The following CSMD1 variants were observed in gnomAD, a reference collection of about 807,000 sequenced individuals.
CSMD1 encodes CUB and sushi domain-containing protein 1.
Under a neutral mutation model 417.5 loss-of-function variants are expected in CSMD1, and 213 were observed. The observed-to-expected ratio is 0.51, with a 90% confidence interval of 0.46 to 0.57. The LOEUF (loss-of-function observed/expected upper bound fraction) is 0.57, where lower values mean the gene tolerates loss of function less well. Among genes scored for constraint, CSMD1 ranks in the 20% least tolerant of loss-of-function variants. The probability of loss-of-function intolerance (pLI) is 0.00; values close to 1 mark genes in which losing one functional copy is unlikely to be tolerated. For synonymous variants in CSMD1, 2,862 were observed against 1,736.8 expected (o/e 1.65, Z -16.11); for missense variants, 6,923 against 4,529.7 (o/e 1.53, Z -15.17).
At chr8:3,958,505 T>C (rs1467610894) in intron 5 of CSMD1, among the ~76,000 whole-genome samples, 1 of 152,140 alleles carries the variant, frequency 6.6e-6, no homozygotes, top group African/African-American at 2.4e-5. Context: ...TCACTAACAT[T>C]TTAGAAATGC....
intron 3 of CSMD1, among the ~76,000 whole-genome samples, chr8:4,314,677 G>A (rs1269687239): frequency 1.3e-5 from 2 of 152,088 alleles, no homozygotes; most frequent in African/African-American, 4.8e-5. Flanking sequence ...TAAGTGTTAG[G>A]TCAAAATGCC....
chr8:4,365,491 G>T (rs970360475), intron 3 of CSMD1, among the ~76,000 whole-genome samples: 2 of 152,108 alleles, frequency 1.3e-5, no homozygotes, highest in African/African-American at 2.4e-5. Flanking sequence ...CTGGCCTTAG[G>T]GCAGTGCTAC....
chr8:4,686,479 G>C (rs1312298543), intron 1 of CSMD1, among the ~76,000 whole-genome samples: 2 of 152,192 alleles, frequency 1.3e-5, no homozygotes, highest in South Asian at 2.1e-4. Flanking sequence ...CCCATACCTA[G>C]AGAAAAGAAA....
intron 7 of CSMD1, among the ~76,000 whole-genome samples, chr8:3,640,475 C>T (rs1291887732): frequency 6.6e-6 from 1 of 152,180 alleles, no homozygotes; most frequent in South Asian, 2.1e-4. Flanking sequence ...AATAGTTGCT[C>T]AGTTTTGTCT....
At chr8:3,208,202 A>G (rs1326178259) in intron 30 of CSMD1, among the ~76,000 whole-genome samples, 1 of 152,208 alleles carries the variant, frequency 6.6e-6, no homozygotes, top group Admixed American at 6.5e-5. Flanking sequence ...GACAAGAAGT[A>G]TAAATAAAAA....
At chr8:4,471,354 G>A (rs1038675239) in intron 2 of CSMD1, among the ~76,000 whole-genome samples, 1 of 152,144 alleles carries the variant, frequency 6.6e-6, no homozygotes, top group Non-Finnish European at 1.5e-5. Flanking sequence ...CTTATTTCTA[G>A]AAGACATTGG....
intron 49 of CSMD1, among the ~76,000 whole-genome samples, chr8:3,061,025 G>T (rs1158894617): frequency 6.6e-6 from 1 of 152,166 alleles, no homozygotes; most frequent in African/African-American, 2.4e-5. Context: ...AGGAACTAAA[G>T]ATTTGTATAG....
intron 12 of CSMD1, among the ~76,000 whole-genome samples, chr8:3,426,401 G>A (rs558031452): frequency 5.9e-5 from 9 of 152,112 alleles, no homozygotes; most frequent in Admixed American, 5.2e-4. Flanking sequence ...AATTTAGCTC[G>A]ACTTCTCTAA....
intron 1 of CSMD1, among the ~76,000 whole-genome samples, chr8:4,801,615 G>C (rs1158708075): frequency 6.6e-6 from 1 of 152,028 alleles, no homozygotes; most frequent in African/African-American, 2.4e-5. Flanking sequence ...ATGCCGCTTT[G>C]ACACACTCTG....
intron 47 of CSMD1, among the ~76,000 whole-genome samples, chr8:3,093,582 T>A (rs899038994): frequency 6.6e-6 from 1 of 151,986 alleles, no homozygotes; most frequent in Non-Finnish European, 1.5e-5. Flanking sequence ...GCAGGAAAAT[T>A]GCTTGAACCC....
At chr8:3,276,241 G>A (rs997870686) in intron 26 of CSMD1, among the ~76,000 whole-genome samples, 1 of 152,114 alleles carries the variant, frequency 6.6e-6, no homozygotes, top group African/African-American at 2.4e-5. Flanking sequence ...TAGGCTTCTT[G>A]GGGGTCAGGG....
At chr8:4,094,090 G>C (rs1299690785) in intron 3 of CSMD1, among the ~76,000 whole-genome samples, 1 of 152,148 alleles carries the variant, frequency 6.6e-6, no homozygotes, top group Non-Finnish European at 1.5e-5. Flanking sequence ...ACGCTGTGTG[G>C]ATGGAGGAAA....
chr8:3,282,334 C>A (rs553649693), intron 26 of CSMD1, among the ~76,000 whole-genome samples: 14 of 152,092 alleles, frequency 9.2e-5, no homozygotes, highest in Admixed American at 2.6e-4. Context: ...TCTGTGCCTT[C>A]TACTCAATCT....
intron 8 of CSMD1, among the ~76,000 whole-genome samples, chr8:3,612,123 A>G (rs1801923845): frequency 6.6e-6 from 1 of 152,158 alleles, no homozygotes; most frequent in Non-Finnish European, 1.5e-5. Flanking sequence ...TATATTATAG[A>G]CTAACAATAA....
intron 54 of CSMD1, among the ~76,000 whole-genome samples, chr8:2,994,168 A>AAAG (rs1806662865): frequency 6.7e-6 from 1 of 149,214 alleles, no homozygotes; most frequent in Non-Finnish European, 1.5e-5. Flanking sequence ...AAAAAAAAAA[A>AAAG]AAAGCAAGAA....
At chr8:4,110,454 G>C (rs1363994205) in intron 3 of CSMD1, among the ~76,000 whole-genome samples, 1 of 152,064 alleles carries the variant, frequency 6.6e-6, no homozygotes, top group Non-Finnish European at 1.5e-5. Flanking sequence ...CTTTAAGCCA[G>C]ATCCCTCTCA....
At chr8:3,851,612 G>C (rs554978494) in intron 5 of CSMD1, among the ~76,000 whole-genome samples, 10 of 152,102 alleles carry the variant, frequency 6.6e-5, no homozygotes, top group African/African-American at 1.4e-4. Context: ...ACTTTCACTG[G>C]AGAAAAAAAC....
At chr8:3,714,864 T>C (rs945292058) in intron 6 of CSMD1, among the ~76,000 whole-genome samples, 1 of 152,188 alleles carries the variant, frequency 6.6e-6, no homozygotes, top group Non-Finnish European at 1.5e-5. Flanking sequence ...GCTTTATCAA[T>C]TTTTTAAGTG....
At chr8:3,682,799 C>G (rs1405723785) in intron 7 of CSMD1, among the ~76,000 whole-genome samples, 2 of 152,138 alleles carry the variant, frequency 1.3e-5, no homozygotes, top group Non-Finnish European at 2.9e-5. Flanking sequence ...ACCTAAATGT[C>G]CAACAATGAC....
Sources: gnomAD v4.1 joint callset for allele counts (sites outside exome capture counted in the v4.1 genomes callset) on GRCh38, gnomAD v4.1.1 for gene constraint, MANE v1.5 for transcripts, NCBI Gene and HGNC (gene_info 2026-07-23, HGNC 2026-07-21) for gene names.